SATB2: variants seen among roughly 807,000 people sequenced by gnomAD.
SATB2 encodes the protein SATB homeobox 2, also known as DNA-binding protein SATB2.
SATB2 carries 1 observed loss-of-function variant against 73.4 expected under a neutral mutation model. The observed-to-expected ratio is 0.01, with a 90% CI of 0.00 to 0.06. The LOEUF (loss-of-function observed/expected upper bound fraction) is 0.06. Among genes scored for constraint, SATB2 ranks in the 10% least tolerant of loss-of-function variants. SATB2 has a pLI of 1.00. For synonymous variants in SATB2, 397 were observed against 367.0 expected (o/e 1.08, Z -0.93); for missense variants, 459 against 945.8 (o/e 0.49, Z 6.75).
intron 6 of SATB2, among the ~76,000 whole-genome samples, chr2:199,356,976 G>A (rs993169916): frequency 6.6e-6 from 1 of 152,132 alleles, no homozygotes; most frequent in Admixed American, 6.6e-5. Flanking sequence ...CTGAAGCTCA[G>A]TTGGCTTCTT....
intron 3 of SATB2, among the ~76,000 whole-genome samples, chr2:199,392,614 A>G (rs1690180160): frequency 6.6e-6 from 1 of 152,184 alleles, no homozygotes; most frequent in African/African-American, 2.4e-5. Context: ...TTTGAAGAGC[A>G]GCAGCCTGGC....
chr2:199,333,156 CAA>C (rs566806045), intron 7 of SATB2, among the ~76,000 whole-genome samples: 3,036 of 140,940 alleles, frequency 0.022, 100 homozygotes, highest in African/African-American at 0.073. Flanking sequence ...TACCTAGTCT[CAA>C]AAAAAAAAAC....
intron 4 of SATB2, among the ~76,000 whole-genome samples, chr2:199,380,956 T>A (rs1346160712): frequency 2.0e-5 from 3 of 152,144 alleles, no homozygotes; most frequent in Non-Finnish European, 4.4e-5. Context: ...CCTCACCCAT[T>A]CATAGACACA....
chr2:199,344,220 G>A (rs1277139747), intron 7 of SATB2, among the ~76,000 whole-genome samples: 4 of 152,000 alleles, frequency 2.6e-5, no homozygotes, highest in African/African-American at 7.2e-5. Flanking sequence ...GCCTATTCAT[G>A]CACATGAAGG....
chr2:199,418,830 T>C (rs1252346751), intron 3 of SATB2, among the ~76,000 whole-genome samples: 1 of 152,196 alleles, frequency 6.6e-6, no homozygotes, highest in Non-Finnish European at 1.5e-5. Flanking sequence ...GACTATGATC[T>C]GCTGTACGGA....
intron 9 of SATB2, among the ~76,000 whole-genome samples, chr2:199,310,421 C>A (rs2105771568): frequency 6.6e-6 from 1 of 151,828 alleles, no homozygotes; most frequent in South Asian, 2.1e-4. Context: ...TTTTTCAACT[C>A]AATTGAAAGG....
At chr2:199,350,219 CT>C (rs1243456124) in intron 6 of SATB2, among the ~76,000 whole-genome samples, 4 of 152,084 alleles carry the variant, frequency 2.6e-5, no homozygotes, top group Admixed American at 6.6e-5. Context: ...TTAAAGATAA[CT>C]TTAAGAAGCT....
upstream of SATB2, chr2:199,458,538 T>C (rs777754189): frequency 1.1e-3 from 407 of 358,908 alleles, 2 homozygotes; most frequent in Non-Finnish European, 1.6e-3. Flanking sequence ...GTCCTCCTCC[T>C]TGTGGCGGGT....
intron 10 of SATB2, among the ~76,000 whole-genome samples, chr2:199,282,686 G>A (rs4673309): frequency 0.77 from 116,647 of 152,118 alleles, 47,466 homozygotes; most frequent in Non-Finnish European, 0.89. Flanking sequence ...AACGTGAGGA[G>A]TATTTAAGAA....
intron 3 of SATB2, among the ~76,000 whole-genome samples, chr2:199,389,708 T>C (rs1208135679): frequency 6.6e-6 from 1 of 152,188 alleles, no homozygotes; most frequent in South Asian, 2.1e-4. Flanking sequence ...AGGTTTTACC[T>C]TTAAAAATAC....
At chr2:199,318,524 A>T (rs1687796899) in intron 9 of SATB2, among the ~76,000 whole-genome samples, 1 of 152,118 alleles carries the variant, frequency 6.6e-6, no homozygotes, top group Admixed American at 6.5e-5. Flanking sequence ...ATTAGGACAT[A>T]AACATACACA....
Position 199,348,731 on chromosome 2 carries a change from G to A in SATB2, c.1143C>T (p.Val381=). 6.3e-7 allele frequency: 1 copy of A among 1,580,680 alleles called. No individual in the cohort carries two copies. The highest frequency in any genetic ancestry group is 1.7e-5 in the Admixed American group (1 of 57,468). ...TGCGGTTGAATGCCACTCTTGCAAA[G>A]ACAGCTTGGGACACACTGGCCCTCT... ...ELKRASVSQA[V]FARVAFNRTQ... The change falls in exon 7 of 11, where the codon GTC becomes GTT. Residue 381 remains valine, a synonymous_variant. Coordinates refer to ENST00000417098, the MANE Select transcript of SATB2 (RefSeq NM_001172509.2).
At chr2:199,369,742 G>A (rs1689388125) in intron 5 of SATB2, among the ~76,000 whole-genome samples, 1 of 152,068 alleles carries the variant, frequency 6.6e-6, no homozygotes, top group African/African-American at 2.4e-5. Context: ...AAGTAATAGA[G>A]ATAAAAAGAG....
chr2:199,413,561 T>A (rs1297394901), intron 3 of SATB2, among the ~76,000 whole-genome samples: 4 of 151,854 alleles, frequency 2.6e-5, no homozygotes, highest in Non-Finnish European at 5.9e-5. Context: ...ATGTCCACTT[T>A]TCCTACTAGA....
intron 1 of SATB2, 149 bp from the exon 2 acceptor site, chr2:199,456,245 A>C: frequency 1.5e-6 from 1 of 648,318 alleles, no homozygotes. Flanking sequence ...CGAGCCGGGA[A>C]GCCGGTCCCA....
At chr2:199,359,173 G>T (rs532118990) in intron 6 of SATB2, among the ~76,000 whole-genome samples, 1 of 152,058 alleles carries the variant, frequency 6.6e-6, no homozygotes. Flanking sequence ...CTGAAGAAAA[G>T]TTAATCAAAG....
chr2:199,364,640 A>T (rs1689231949), intron 6 of SATB2, among the ~76,000 whole-genome samples: 1 of 152,272 alleles, frequency 6.6e-6, no homozygotes, highest in African/African-American at 2.4e-5. Context: ...TAATGGTATT[A>T]TTTTATAACA....
intron 3 of SATB2, among the ~76,000 whole-genome samples, chr2:199,392,808 G>A (rs1162424900): frequency 6.6e-6 from 1 of 152,162 alleles, no homozygotes; most frequent in African/African-American, 2.4e-5. Context: ...AATAACATGA[G>A]TTAAAGTGCA....
intron 2 of SATB2, among the ~76,000 whole-genome samples, chr2:199,438,152 T>C (rs757159643): frequency 3.9e-5 from 6 of 152,136 alleles, no homozygotes; most frequent in Non-Finnish European, 7.4e-5. Flanking sequence ...GTGTAGAATA[T>C]CTTGAATATA....
Sources: gnomAD v4.1 joint callset for allele counts (sites outside exome capture counted in the v4.1 genomes callset) on GRCh38, gnomAD v4.1.1 for gene constraint, MANE v1.5 for transcripts, NCBI Gene and HGNC (gene_info 2026-07-23, HGNC 2026-07-21) for gene names.